PRIM2: variants seen among roughly 807,000 people sequenced by gnomAD.
The protein encoded by PRIM2 is DNA primase subunit 2, also known as DNA primase large subunit.
Under a neutral mutation model 67.3 loss-of-function variants are expected in PRIM2, and 39 were observed. That is an observed-to-expected ratio of 0.58 (90% CI 0.45 to 0.76). The LOEUF is 0.76. Ranked by LOEUF, PRIM2 falls within the 30% of genes least tolerant of loss-of-function variation. The pLI is 0.00. For synonymous variants in PRIM2, 143 were observed against 198.7 expected (o/e 0.72, Z 2.36); for missense variants, 398 against 598.7 (o/e 0.66, Z 3.50).
intron 5 of PRIM2, among the ~76,000 whole-genome samples, chr6:57,339,651 A>G (rs1391572828): frequency 2.0e-5 from 3 of 152,206 alleles, no homozygotes; most frequent in African/African-American, 7.2e-5. Context: ...CTGGCTAGCC[A>G]TATGCAGAAA....
intron 10 of PRIM2, among the ~76,000 whole-genome samples, chr6:57,595,858 A>G (rs1582011028): frequency 6.6e-6 from 1 of 152,096 alleles, no homozygotes; most frequent in Admixed American, 6.6e-5. Context: ...CCTTCATCAT[A>G]TAGGCTGAGC....
At chr6:57,390,868 G>T (rs1389647312) in intron 7 of PRIM2, among the ~76,000 whole-genome samples, 1 of 152,092 alleles carries the variant, frequency 6.6e-6, no homozygotes, top group Admixed American at 6.6e-5. Context: ...TGTCTTGATG[G>T]TAGAATGATT....
At chr6:57,609,750 C>G (rs1455045324) in intron 12 of PRIM2, among the ~76,000 whole-genome samples, 72 of 152,290 alleles carry the variant, frequency 4.7e-4, no homozygotes, top group African/African-American at 1.7e-3. Context: ...TGCATGCCAG[C>G]AAGCTGTAAA....
intron 7 of PRIM2, among the ~76,000 whole-genome samples, chr6:57,413,643 A>G (rs12153937): frequency 0.47 from 71,341 of 151,900 alleles, 18,400 homozygotes; most frequent in South Asian, 0.62. Flanking sequence ...TCATTTACAT[A>G]GAAAGGAGGG....
At chr6:57,228,268 CATT>C in the PRIM2 span, among the ~76,000 whole-genome samples, 28,250 of 152,052 alleles carry the variant, frequency 0.19, 2,777 homozygotes, top group Middle Eastern at 0.25. Flanking sequence ...ATGAAAATAA[CATT>C]GTTGTAGAGC....
At chr6:57,226,787 G>A in the PRIM2 span, among the ~76,000 whole-genome samples, 23 of 152,188 alleles carry the variant, frequency 1.5e-4, 1 homozygote, top group Admixed American at 4.6e-4. Flanking sequence ...AAGTGCATTT[G>A]TTTTTAATCT....
chr6:57,604,743 T>C (rs1335158076), intron 11 of PRIM2, among the ~76,000 whole-genome samples: 4 of 152,060 alleles, frequency 2.6e-5, no homozygotes, highest in Admixed American at 2.0e-4. Flanking sequence ...CAGGCTGGAA[T>C]GCAGTGGTGC....
At chr6:57,361,301 G>A (rs565843588) in intron 5 of PRIM2, among the ~76,000 whole-genome samples, 110 of 152,262 alleles carry the variant, frequency 7.2e-4, no homozygotes, top group African/African-American at 2.5e-3. Context: ...TGAGTGCATC[G>A]TGGCCTCTTC....
At chr6:57,459,507 C>T (rs954098417) in intron 7 of PRIM2, among the ~76,000 whole-genome samples, 3 of 152,150 alleles carry the variant, frequency 2.0e-5, no homozygotes, top group African/African-American at 7.2e-5. Flanking sequence ...GGTTCCTGTA[C>T]AGTGATAAAC....
chr6:57,315,603 A>G (rs1264594574), upstream of PRIM2, among the ~76,000 whole-genome samples: 2 of 152,082 alleles, frequency 1.3e-5, no homozygotes, highest in Non-Finnish European at 2.9e-5. Context: ...TATTTTTTCT[A>G]TGAGTTACCT....
intron 10 of PRIM2, among the ~76,000 whole-genome samples, chr6:57,592,601 C>A (rs1454496076): frequency 3.9e-5 from 6 of 152,180 alleles, no homozygotes; most frequent in African/African-American, 1.4e-4. Flanking sequence ...TCGAGACCAG[C>A]CTGGCCAACA....
chr6:57,344,423 C>T (rs919356157), intron 5 of PRIM2, among the ~76,000 whole-genome samples: 1 of 151,182 alleles, frequency 6.6e-6, no homozygotes, highest in African/African-American at 2.4e-5. Flanking sequence ...AGGGATTATG[C>T]TGCCTTGCAA....
At chr6:57,314,261 TC>T (rs1361291225), upstream of PRIM2, among the ~76,000 whole-genome samples, 2 of 152,194 alleles carry the variant, frequency 1.3e-5, no homozygotes. Context: ...ACGCCTATAA[TC>T]CCAGCACTTA....
the PRIM2 span, among the ~76,000 whole-genome samples, chr6:57,240,662 C>A: frequency 6.6e-6 from 1 of 152,068 alleles, no homozygotes; most frequent in East Asian, 1.9e-4. Context: ...GTAGAAGACT[C>A]CTGAATGGCT....
intron 7 of PRIM2, among the ~76,000 whole-genome samples, chr6:57,502,078 T>C: frequency 6.6e-6 from 1 of 152,358 alleles, no homozygotes; most frequent in Admixed American, 6.5e-5. Context: ...GAAGGAACTA[T>C]GTCATGGTCA....
rs1775690922 is a variant in PRIM2 at position 57,564,065 on chromosome 6, A to G, written c.1020+26440A>G. On this transcript the variant is annotated intron_variant, in intron 10 of 13. Coordinates refer to ENST00000615550, the MANE Select transcript of PRIM2 (RefSeq NM_000947.5). ...ATACTAATGAGAATGTCTTTGGGAC[A>G]TAATTATGTAGATTTAAAGGAGTGA... is the stretch of plus-strand genomic sequence containing the variant. Among the ~76,000 whole-genome samples the G allele has an allele frequency of 1.4e-4, 22 of 152,330 alleles. No individual in the cohort carries two copies. The South Asian group carries it at 4.6e-3, about 32-fold the overall frequency.
intron 8 of PRIM2, among the ~76,000 whole-genome samples, chr6:57,526,793 T>A (rs1288708813): frequency 6.6e-6 from 1 of 152,138 alleles, no homozygotes; most frequent in African/African-American, 2.4e-5. Flanking sequence ...TTATAGATGT[T>A]GAAGCAATTA....
intron 10 of PRIM2, among the ~76,000 whole-genome samples, chr6:57,564,349 C>T (rs1401052495): frequency 5.3e-5 from 8 of 152,136 alleles, no homozygotes; most frequent in Non-Finnish European, 8.8e-5. Flanking sequence ...GGAGGAAATT[C>T]CAGCCTTGTA....
At chr6:57,621,358 A>T (rs1367224824) in intron 12 of PRIM2, among the ~76,000 whole-genome samples, 2 of 152,162 alleles carry the variant, frequency 1.3e-5, no homozygotes, top group Non-Finnish European at 1.5e-5. Context: ...TGGCCTCATG[A>T]TGTCTTAAAG....
Sources: allele counts gnomAD v4.1 joint callset (sites outside exome capture counted in the v4.1 genomes callset), GRCh38; gene constraint gnomAD v4.1.1; transcripts MANE v1.5; gene names NCBI Gene and HGNC (gene_info 2026-07-23, HGNC 2026-07-21).